The following PASD1 variants were observed in gnomAD, a reference collection of about 807,000 sequenced individuals.
The protein encoded by PASD1 is circadian clock protein PASD1.
PASD1 carries 13 observed loss-of-function variants against 58.8 expected under a neutral mutation model. That is an observed-to-expected ratio of 0.22 (90% CI 0.14 to 0.35). PASD1 has a LOEUF of 0.35. Ranked by LOEUF, PASD1 falls within the 10% of genes least tolerant of loss-of-function variation. The pLI is 1.00. For missense variants in PASD1, 734 were observed against 568.3 expected (o/e 1.29, Z -2.96); for synonymous variants, 236 against 216.7 (o/e 1.09, Z -0.78).
intron 1 of PASD1, among the ~76,000 whole-genome samples, chrX:151,568,567 G>A (rs191369160): frequency 8.9e-6 from 1 of 112,064 alleles, no homozygotes; most frequent in Non-Finnish European, 1.9e-5. Flanking sequence ...TCTTCTTTCT[G>A]CATTGATATT....
At chrX:151,569,891 A>G (rs1342744644) in intron 1 of PASD1, among the ~76,000 whole-genome samples, 1 of 110,691 alleles carries the variant, frequency 9.0e-6, no homozygotes, top group African/African-American at 3.3e-5. Context: ...TTTGAGAACA[A>G]TGTGGCTCAT....
chrX:151,635,739 A>G (rs1210265913), intron 8 of PASD1, among the ~76,000 whole-genome samples: 1 of 111,814 alleles, frequency 8.9e-6, no homozygotes, highest in Non-Finnish European at 1.9e-5. Context: ...TCTTAAGTCT[A>G]TCATTCCATG....
At chrX:151,640,166 G>A in intron 8 of PASD1, among the ~76,000 whole-genome samples, 1 of 111,334 alleles carries the variant, frequency 9.0e-6, no homozygotes, top group Non-Finnish European at 1.9e-5. Flanking sequence ...GGGATGTTTG[G>A]CAAAACCTTA....
chrX:151,611,690 G>A lies in PASD1; in HGVS notation c.144G>A (p.Leu48=). 8.3e-7 allele frequency: 1 copy of A among 1,203,231 alleles called. No individual in the cohort carries two copies. The highest frequency in any genetic ancestry group is 1.1e-6 in the Non-Finnish European group (1 of 890,714). The change falls in exon 4 of 16, where the codon CTG becomes CTA. Residue 48 remains leucine, a synonymous_variant. Coordinates refer to ENST00000370357, the MANE Select transcript of PASD1 (RefSeq NM_173493.3). ...TATTAGATGGCTTTATGATTACACT[G>A]AGCACAGATGGAGTGATCATTTGTG... ...LQLLDGFMIT[L]STDGVIICVA... is the part of the protein sequence containing the mutation.
chrX:151,648,564 T>C, intron 8 of PASD1, 51 bp from the exon 9 acceptor site: 1 of 1,116,176 alleles, frequency 9.0e-7, no homozygotes, highest in Non-Finnish European at 1.2e-6. Flanking sequence ...AAATTTTGAT[T>C]TAAATGGCGA....
At chrX:151,612,330 C>T (rs1310402694) in intron 4 of PASD1, among the ~76,000 whole-genome samples, 50 of 106,134 alleles carry the variant, frequency 4.7e-4, no homozygotes, top group African/African-American at 1.6e-3. Flanking sequence ...GGGTATATAC[C>T]CAGTAATGGG....
chrX:151,603,073 GA>G (rs1432009575), intron 2 of PASD1, among the ~76,000 whole-genome samples: 1 of 112,362 alleles, frequency 8.9e-6, no homozygotes, highest in Non-Finnish European at 1.9e-5. Flanking sequence ...TGTACTTGCA[GA>G]TACCTGAAAC....
chrX:151,633,264 G>GA (rs2013891175), intron 8 of PASD1, among the ~76,000 whole-genome samples: 2 of 111,166 alleles, frequency 1.8e-5, no homozygotes, highest in Admixed American at 1.9e-4. Flanking sequence ...TGAATATGAT[G>GA]AAACTTCCAG....
intron 1 of PASD1, among the ~76,000 whole-genome samples, chrX:151,577,884 A>G (rs752851092): frequency 9.0e-6 from 1 of 111,427 alleles, no homozygotes; most frequent in South Asian, 3.8e-4. Context: ...TATGCTGGGG[A>G]CCTTTATGGG....
intron 4 of PASD1, among the ~76,000 whole-genome samples, chrX:151,618,013 A>G (rs898354871): frequency 6.2e-5 from 7 of 112,038 alleles, no homozygotes; most frequent in African/African-American, 9.7e-5. Context: ...TCTAAAGTCT[A>G]TTTTATAACT....
intron 1 of PASD1, among the ~76,000 whole-genome samples, chrX:151,572,009 A>G (rs1040272359): frequency 1.8e-5 from 2 of 110,987 alleles, no homozygotes; most frequent in African/African-American, 3.3e-5. Context: ...TTGTGAGTCA[A>G]TTCTCAGAAA....
chrX:151,577,878 C>T (rs757459534), intron 1 of PASD1, among the ~76,000 whole-genome samples: 15 of 111,666 alleles, frequency 1.3e-4, no homozygotes, highest in African/African-American at 3.3e-4. Flanking sequence ...GCAGGCTATG[C>T]TGGGGACCTT....
chrX:151,608,756 T>C (rs2013516869), intron 3 of PASD1, among the ~76,000 whole-genome samples: 1 of 111,831 alleles, frequency 8.9e-6, no homozygotes, highest in African/African-American at 3.2e-5. Context: ...CATTCTTTAA[T>C]GATGATGTGA....
intron 9 of PASD1, among the ~76,000 whole-genome samples, chrX:151,659,313 T>G (rs1048407422): frequency 9.0e-6 from 1 of 111,673 alleles, no homozygotes; most frequent in South Asian, 3.8e-4. Flanking sequence ...ACCAGTTTGT[T>G]TGGGTCTAAT....
rs755293009 is a variant in PASD1, at chrX:151,661,960, T to G, written c.841+2124T>G. ...ATGGTATGTTTTATTGCTGGTGGTGTTAACTTGATTGCTTGGTTAAGGTGG... is the reference window on the plus strand; with the variant it reads ...ATGGTATGTTTTATTGCTGGTGGTGGTAACTTGATTGCTTGGTTAAGGTGG... On this transcript the variant is annotated intron_variant, in intron 10 of 15. Coordinates refer to ENST00000370357, the MANE Select transcript of PASD1 (RefSeq NM_173493.3). Among the ~76,000 whole-genome samples, 4 of 112,459 alleles carry G rather than the reference T, an allele frequency of 3.6e-5. No individual in the cohort carries two copies. In the South Asian group the frequency reaches 1.5e-3, roughly 41 times the overall value.
intron 10 of PASD1, among the ~76,000 whole-genome samples, chrX:151,660,737 G>A (rs1215790385): frequency 8.9e-6 from 1 of 112,780 alleles, no homozygotes; most frequent in Non-Finnish European, 1.9e-5. Context: ...CCAACAAAAT[G>A]AGCATATTGA....
At chrX:151,594,510 G>A (rs1387622568) in intron 1 of PASD1, among the ~76,000 whole-genome samples, 1 of 111,357 alleles carries the variant, frequency 9.0e-6, no homozygotes, top group African/African-American at 3.3e-5. Context: ...ATTACAGTCT[G>A]CCATGGATTA....
At chrX:151,620,582 A>G (rs1218525421) in intron 4 of PASD1, among the ~76,000 whole-genome samples, 3 of 111,338 alleles carry the variant, frequency 2.7e-5, no homozygotes, top group African/African-American at 9.8e-5. Context: ...TACTTATTTC[A>G]AATAATATAC....
At chrX:151,568,315 T>A (rs1213967198) in intron 1 of PASD1, among the ~76,000 whole-genome samples, 1 of 111,784 alleles carries the variant, frequency 8.9e-6, no homozygotes, top group East Asian at 2.8e-4. Context: ...TCTGATTCTA[T>A]TTCTAACAGT....
Sources: allele counts gnomAD v4.1 joint callset (sites outside exome capture counted in the v4.1 genomes callset), GRCh38; gene constraint gnomAD v4.1.1; transcripts MANE v1.5; gene names NCBI Gene and HGNC (gene_info 2026-07-23, HGNC 2026-07-21).